Variants in DTWD2 observed in about 807,000 individuals in gnomAD.
DTWD2 encodes the protein DTW motif tRNA-uridine aminocarboxypropyltransferase 2.
DTWD2 carries 39 observed loss-of-function variants against 31.8 expected under a neutral mutation model. That is an observed-to-expected ratio of 1.22 (90% CI 0.95 to 1.60). DTWD2 has a LOEUF of 1.60. DTWD2 is among the 40% of genes most tolerant of loss of function. The pLI is 0.00. For missense variants in DTWD2, 515 were observed against 381.5 expected (o/e 1.35, Z -2.92); for synonymous variants, 180 against 142.8 (o/e 1.26, Z -1.86).
chr5:118,860,160 G>A (rs902568754), intron 4 of DTWD2, among the ~76,000 whole-genome samples: 2 of 149,666 alleles, frequency 1.3e-5, no homozygotes, highest in African/African-American at 2.4e-5. Flanking sequence ...TGTTATATTA[G>A]TTATACTGCT....
intron 4 of DTWD2, among the ~76,000 whole-genome samples, chr5:118,867,001 T>C (rs1339167582): frequency 1.3e-5 from 2 of 152,142 alleles, no homozygotes; most frequent in African/African-American, 2.4e-5. Flanking sequence ...TAGTTGTTGT[T>C]GTTATAATTA....
At chr5:118,849,362 A>G (rs950635443) in intron 4 of DTWD2, among the ~76,000 whole-genome samples, 1 of 152,218 alleles carries the variant, frequency 6.6e-6, no homozygotes, top group Non-Finnish European at 1.5e-5. Context: ...TGATCATTAA[A>G]AAGTCAGGAA....
chr5:118,865,270 A>G (rs1752357733), intron 4 of DTWD2, among the ~76,000 whole-genome samples: 1 of 152,202 alleles, frequency 6.6e-6, no homozygotes, highest in South Asian at 2.1e-4. Context: ...AAAACATGTT[A>G]AATGACATTA....
intron 4 of DTWD2, among the ~76,000 whole-genome samples, chr5:118,907,064 G>C (rs1286594634): frequency 2.6e-5 from 4 of 152,236 alleles, no homozygotes; most frequent in Admixed American, 1.3e-4. Flanking sequence ...AAATTTTCCT[G>C]TTTACTTTAA....
At chr5:118,856,572 C>T (rs1019156268) in intron 4 of DTWD2, among the ~76,000 whole-genome samples, 1 of 152,092 alleles carries the variant, frequency 6.6e-6, no homozygotes, top group African/African-American at 2.4e-5. Context: ...AGACAAACTG[C>T]GTTCCAAAGT....
At chr5:118,977,388 A>G (rs1316622346) in intron 1 of DTWD2, among the ~76,000 whole-genome samples, 1 of 152,238 alleles carries the variant, frequency 6.6e-6, no homozygotes. Context: ...GAAGAGAGGA[A>G]GTCAAATTGT....
intron 1 of DTWD2, among the ~76,000 whole-genome samples, chr5:118,945,985 T>C (rs1754331383): frequency 6.6e-6 from 1 of 152,194 alleles, no homozygotes; most frequent in African/African-American, 2.4e-5. Context: ...TTACTTATTG[T>C]GGAATTTTAG....
At chr5:118,946,426 C>T (rs1445219492) in intron 1 of DTWD2, among the ~76,000 whole-genome samples, 1 of 152,166 alleles carries the variant, frequency 6.6e-6, no homozygotes, top group Non-Finnish European at 1.5e-5. Context: ...AGAAAGGATT[C>T]CTCACTCAGT....
At chr5:118,973,232 T>C (rs773424252) in intron 1 of DTWD2, among the ~76,000 whole-genome samples, 6 of 152,210 alleles carry the variant, frequency 3.9e-5, no homozygotes, top group Non-Finnish European at 8.8e-5. Flanking sequence ...TGTCTTTTAA[T>C]TGGGGCATTT....
At chr5:118,936,322 T>TGAGGCCAGGAGTTC (rs1754043668) in intron 3 of DTWD2, among the ~76,000 whole-genome samples, 2 of 152,074 alleles carry the variant, frequency 1.3e-5, no homozygotes, top group South Asian at 4.1e-4. Context: ...TAAGATACTT[T>TGAGGCCAGGAGTTC]GAGGCCAGGA....
At chr5:118,867,217 G>A (rs1404378044) in intron 4 of DTWD2, among the ~76,000 whole-genome samples, 1 of 151,952 alleles carries the variant, frequency 6.6e-6, no homozygotes, top group African/African-American at 2.4e-5. Flanking sequence ...AACTTTACAG[G>A]CAGAATATAT....
intron 4 of DTWD2, among the ~76,000 whole-genome samples, chr5:118,873,443 G>T (rs1450292923): frequency 6.6e-6 from 1 of 152,198 alleles, no homozygotes; most frequent in African/African-American, 2.4e-5. Context: ...GACAGACTGT[G>T]CCTGTCTGGT....
rs952277444 is a variant in DTWD2 at position 118,962,016 on chromosome 5, A to G, written c.219-17367T>C. Among the ~76,000 whole-genome samples, 51 of 152,136 alleles carry G rather than the reference A, an allele frequency of 3.4e-4. 1 individual carries two copies. Among genetic ancestry groups the G allele is most frequent in the Admixed American group, 8.5e-4 (13 of 15,284 alleles). On this transcript the variant is annotated intron_variant, in intron 1 of 5. Coordinates refer to ENST00000510708, the MANE Select transcript of DTWD2 (RefSeq NM_173666.4). ...CAGCACTTTGGGAGGCTGAGGCGGG[A>G]GGATCATCTGAGGTCAGGAGTTCGA...
intron 1 of DTWD2, among the ~76,000 whole-genome samples, chr5:118,959,101 AAATCCGG>A (rs1754652802): frequency 6.6e-6 from 1 of 152,172 alleles, no homozygotes; most frequent in East Asian, 1.9e-4. Flanking sequence ...CTGGCCAGAG[AAATCCGG>A]CAAGGGAAAT....
intron 4 of DTWD2, among the ~76,000 whole-genome samples, chr5:118,905,222 A>G (rs1753301795): frequency 6.6e-6 from 1 of 152,152 alleles, no homozygotes; most frequent in Non-Finnish European, 1.5e-5. Context: ...CATTGTAAAT[A>G]TTTAATGCTC....
chr5:118,962,409 A>C (rs1754726724), intron 1 of DTWD2, among the ~76,000 whole-genome samples: 2 of 152,158 alleles, frequency 1.3e-5, no homozygotes. Context: ...TACAGCTAAG[A>C]ATTGAGTACA....
At chr5:118,985,412 C>A (rs770973916) in intron 1 of DTWD2, among the ~76,000 whole-genome samples, 7 of 149,658 alleles carry the variant, frequency 4.7e-5, no homozygotes, top group Admixed American at 2.0e-4. Context: ...TCCTATAACA[C>A]CTTACATATA....
At chr5:118,968,831 T>G (rs1452760573) in intron 1 of DTWD2, among the ~76,000 whole-genome samples, 1 of 152,224 alleles carries the variant, frequency 6.6e-6, no homozygotes, top group Non-Finnish European at 1.5e-5. Flanking sequence ...AGCATCGTTC[T>G]GCAGGCCCCA....
intron 4 of DTWD2, among the ~76,000 whole-genome samples, chr5:118,909,303 AT>A (rs1487479873): frequency 1.3e-5 from 2 of 152,192 alleles, no homozygotes; most frequent in African/African-American, 4.8e-5. Flanking sequence ...GTCACTGCAG[AT>A]GCCCCACAGT....
Sources: allele counts gnomAD v4.1 joint callset (sites outside exome capture counted in the v4.1 genomes callset), GRCh38; gene constraint gnomAD v4.1.1; transcripts MANE v1.5; gene names NCBI Gene and HGNC (gene_info 2026-07-23, HGNC 2026-07-21).